Variants in STPG2 observed in about 807,000 individuals in gnomAD.
The protein encoded by STPG2 is sperm tail PG-rich repeat containing 2.
A neutral mutation model predicts 54.2 loss-of-function variants in STPG2; 56 were observed. The ratio of observed to expected loss-of-function variants is 1.03; its 90% CI spans 0.83 to 1.29. The LOEUF (loss-of-function observed/expected upper bound fraction) is 1.29, where lower values mean the gene tolerates loss of function less well. Ranked by LOEUF, STPG2 falls within the 50% of genes most tolerant of loss-of-function variation. The pLI is 0.00. For missense variants in STPG2, 596 were observed against 544.9 expected (o/e 1.09, Z -0.93); for synonymous variants, 200 against 181.8 (o/e 1.10, Z -0.81).
chr4:98,047,486 C>T (rs1416670207), intron 5 of STPG2, among the ~76,000 whole-genome samples: 4 of 152,088 alleles, frequency 2.6e-5, no homozygotes, highest in African/African-American at 4.8e-5. Context: ...GAGTTTCTGC[C>T]TATTCACTCT....
rs1483454096 is a variant in STPG2, at chr4:97,473,743, G to A, written c.462+238956C>T. ...ACTTGCTGGTTTCACGGCTCAGGGG[G>A]CATCACGGAACCTACTGACAAGTGA... is the stretch of plus-strand genomic sequence containing the variant. On this transcript the variant is annotated intron_variant, in intron 4 of 4. Coordinates refer to the STPG2 transcript ENST00000522676. Among the ~76,000 whole-genome samples the A allele has an allele frequency of 4.6e-5, 7 of 152,088 alleles. 1 individual carries two copies. In the South Asian group the frequency reaches 1.4e-3, roughly 31 times the overall value.
At chr4:97,944,059 A>T in intron 7 of STPG2, 52 bp from the exon 8 acceptor site, 1 of 1,142,182 alleles carries the variant, frequency 8.8e-7, no homozygotes, top group Middle Eastern at 2.7e-4. Context: ...TATCAATACA[A>T]GAGGCACTAT....
chr4:97,472,387 C>A (rs750954982), intron 4 of STPG2, among the ~76,000 whole-genome samples: 4 of 152,122 alleles, frequency 2.6e-5, no homozygotes, highest in Non-Finnish European at 4.4e-5. Context: ...TTGGTTCTCA[C>A]AGTGAATATT....
chr4:97,563,566 G>A (rs536549978), intron 10 of STPG2, among the ~76,000 whole-genome samples: 2 of 152,214 alleles, frequency 1.3e-5, no homozygotes, highest in South Asian at 4.1e-4. Context: ...GCTTTCTCTT[G>A]TGGGCATTTA....
At chr4:97,693,156 G>C (rs1029164951) in intron 10 of STPG2, among the ~76,000 whole-genome samples, 1 of 150,984 alleles carries the variant, frequency 6.6e-6, no homozygotes, top group African/African-American at 2.4e-5. Flanking sequence ...AAAAAGAAAG[G>C]TATTCAGGCA....
At chr4:97,539,612 C>G (rs542951195) in intron 4 of STPG2, among the ~76,000 whole-genome samples, 1 of 152,318 alleles carries the variant, frequency 6.6e-6, no homozygotes, top group Admixed American at 6.5e-5. Context: ...TAACACCCCA[C>G]TGTCAACATT....
chr4:97,628,382 T>C (rs529055152), intron 10 of STPG2, among the ~76,000 whole-genome samples: 46 of 152,326 alleles, frequency 3.0e-4, no homozygotes, highest in African/African-American at 1.1e-3. Flanking sequence ...GTGAATAATT[T>C]GAACTACATA....
downstream of STPG2, among the ~76,000 whole-genome samples, chr4:97,556,136 G>A (rs1010907730): frequency 8.5e-5 from 13 of 152,178 alleles, no homozygotes; most frequent in Admixed American, 7.2e-4. Context: ...TTTTATGGAA[G>A]ATATAGGTAA....
intron 9 of STPG2, among the ~76,000 whole-genome samples, chr4:97,746,052 T>G (rs1235360367): frequency 6.6e-6 from 1 of 151,238 alleles, no homozygotes; most frequent in Admixed American, 6.6e-5. Context: ...TGTAACGTTA[T>G]AACCTTTACA....
chr4:97,755,320 C>T (rs1298977010), intron 9 of STPG2, among the ~76,000 whole-genome samples: 1 of 152,084 alleles, frequency 6.6e-6, no homozygotes, highest in African/African-American at 2.4e-5. Flanking sequence ...CTCTGAAAAA[C>T]ATTCAACCTG....
At chr4:97,982,039 C>G (rs921853797) in intron 5 of STPG2, among the ~76,000 whole-genome samples, 1 of 151,786 alleles carries the variant, frequency 6.6e-6, no homozygotes, top group African/African-American at 2.4e-5. Flanking sequence ...CACCCGCCAC[C>G]ATGCCCAGCT....
intron 4 of STPG2, among the ~76,000 whole-genome samples, chr4:97,488,578 A>C (rs1348886792): frequency 6.6e-6 from 1 of 151,694 alleles, no homozygotes; most frequent in South Asian, 2.1e-4. Flanking sequence ...CTGGCCAGCA[A>C]GGTAAAGTAG....
At chr4:98,122,530 C>A (rs1739708114) in intron 3 of STPG2, among the ~76,000 whole-genome samples, 1 of 152,136 alleles carries the variant, frequency 6.6e-6, no homozygotes, top group Admixed American at 6.6e-5. Context: ...ACCAACCTTG[C>A]AACTTGATCA....
chr4:97,495,899 C>G (rs1426154773), intron 4 of STPG2, among the ~76,000 whole-genome samples: 1 of 151,452 alleles, frequency 6.6e-6, no homozygotes, highest in African/African-American at 2.4e-5. Flanking sequence ...TAGCTATTAT[C>G]CACATGAATC....
At chr4:97,586,783 G>T (rs1281933535) in intron 10 of STPG2, among the ~76,000 whole-genome samples, 2 of 151,892 alleles carry the variant, frequency 1.3e-5, no homozygotes, top group African/African-American at 2.4e-5. Flanking sequence ...CAAACTAAAA[G>T]AATTTGTTGC....
intron 4 of STPG2, among the ~76,000 whole-genome samples, chr4:97,519,653 G>A (rs909430138): frequency 1.3e-5 from 2 of 152,026 alleles, no homozygotes; most frequent in Non-Finnish European, 1.5e-5. Flanking sequence ...TCCTGGTCAA[G>A]AATGTACTAA....
At chr4:97,592,987 C>T (rs1357515200) in intron 10 of STPG2, among the ~76,000 whole-genome samples, 1 of 152,138 alleles carries the variant, frequency 6.6e-6, no homozygotes, top group Non-Finnish European at 1.5e-5. Context: ...CTCTAAGAGA[C>T]TTTAACCACA....
chr4:97,477,942 T>G (rs1730119731), intron 4 of STPG2, among the ~76,000 whole-genome samples: 1 of 152,184 alleles, frequency 6.6e-6, no homozygotes, highest in South Asian at 2.1e-4. Flanking sequence ...ACTAGCATGT[T>G]AACTAAATAA....
intron 10 of STPG2, among the ~76,000 whole-genome samples, chr4:97,601,030 T>C (rs1733445873): frequency 6.6e-6 from 1 of 151,812 alleles, no homozygotes; most frequent in Admixed American, 6.6e-5. Context: ...TGTGAAAAAA[T>C]GTGATGAAAG....
Sources: gnomAD v4.1 joint callset for allele counts (sites outside exome capture counted in the v4.1 genomes callset) on GRCh38, gnomAD v4.1.1 for gene constraint, MANE v1.5 for transcripts, NCBI Gene and HGNC (gene_info 2026-07-23, HGNC 2026-07-21) for gene names.